The following HKDC1 variants were observed in gnomAD, a reference collection of about 807,000 sequenced individuals.
HKDC1 encodes the protein hexokinase HKDC1.
In HKDC1, 66 loss-of-function variants were observed where a neutral mutation model predicts 96.6. That is an observed-to-expected ratio of 0.68 (90% CI 0.56 to 0.84). The LOEUF (loss-of-function observed/expected upper bound fraction) is 0.84, where lower values mean the gene tolerates loss of function less well. Ranked by LOEUF, HKDC1 falls within the 40% of genes least tolerant of loss-of-function variation. The probability of loss-of-function intolerance (pLI) is 0.00; values close to 1 mark genes in which losing one functional copy is unlikely to be tolerated. For synonymous variants in HKDC1, 466 were observed against 473.1 expected (o/e 0.98, Z 0.20); for missense variants, 1,211 against 1,208.1 (o/e 1.00, Z -0.04).
chr10:69,252,507 G>A (rs192653614), intron 12 of HKDC1, among the ~76,000 whole-genome samples: 72 of 152,188 alleles, frequency 4.7e-4, no homozygotes, highest in African/African-American at 1.5e-3. Context: ...TTAGCCCGGC[G>A]TGGTGGCAGG....
At chr10:69,263,417 G>A (rs1488816536) in intron 16 of HKDC1, among the ~76,000 whole-genome samples, 1 of 151,428 alleles carries the variant, frequency 6.6e-6, no homozygotes, top group Admixed American at 6.6e-5. Flanking sequence ...TTTTTTAAAA[G>A]CTTCATGGAA....
At chr10:69,258,751 A>G (rs1008114908) in intron 14 of HKDC1, 25 bp from the exon 15 acceptor site, 3 of 1,612,586 alleles carry the variant, frequency 1.9e-6, no homozygotes, top group Non-Finnish European at 2.5e-6. Context: ...TTTGAAGACT[A>G]AGGTTCCTTC....
chr10:69,228,948 G>A (rs1589402811), intron 2 of HKDC1, among the ~76,000 whole-genome samples: 1 of 151,722 alleles, frequency 6.6e-6, no homozygotes, highest in East Asian at 1.9e-4. Flanking sequence ...GAAAGAGAAA[G>A]AAAGAAAGAG....
rs553070057 is a variant in HKDC1 at position 69,261,252 on chromosome 10, C to T, written c.2330C>T (p.Thr777Ile). The change falls in exon 16 of 18, where the codon ACC becomes ATC. Residue 777 changes from threonine (T) to isoleucine (I), a missense_variant. Thr to Ile is a moderately conservative substitution (Grantham distance 89). Coordinates refer to ENST00000354624, the MANE Select transcript of HKDC1 (RefSeq NM_025130.4). ...GGGCAGATTTCAGAGCGTCTCCGGA[C>T]CAGGGGCATCTTCGAAACCAAGTTC... ...FRGQISERLRTRGIFETKFLS... is the reference protein window; with the variant it reads ...FRGQISERLRIRGIFETKFLS... 1.5e-4 allele frequency: 250 copies of T among 1,614,154 alleles called. 2 individuals are homozygous for T. The South Asian group carries it at 2.5e-3, about 16-fold the overall frequency.
intron 15 of HKDC1, among the ~76,000 whole-genome samples, chr10:69,260,892 G>T (rs1414143602): frequency 6.6e-6 from 1 of 152,156 alleles, no homozygotes; most frequent in Non-Finnish European, 1.5e-5. Flanking sequence ...CCAAGACCAG[G>T]GACTAAATTT....
Position 69,233,089 on chromosome 10 carries a change from G to A in HKDC1, c.451G>A (p.Gly151Ser). 1 of 1,614,158 alleles carries A rather than the reference G, an allele frequency of 6.2e-7. No homozygotes were observed. The highest frequency in any genetic ancestry group is 2.2e-5 in the East Asian group (1 of 44,888). The change falls in exon 4 of 18, where the codon GGC becomes AGC. Residue 151 changes from glycine (G) to serine (S), a missense_variant. By Grantham distance (56) the Gly-to-Ser change is moderately conservative. Transcript: ENST00000354624. The stretch of plus-strand genomic sequence containing the variant: ...TTTAAAGCATAAGAAATTGCCCCTT[G>A]GCCTAACTTTTTCTTTCCCCTGTCG... Reference protein sequence around the residue: ...KDLKHKKLPLGLTFSFPCRQT... With the variant: ...KDLKHKKLPLSLTFSFPCRQT...
chr10:69,221,796 G>C (rs1202035381), intron 1 of HKDC1, among the ~76,000 whole-genome samples: 1 of 152,098 alleles, frequency 6.6e-6, no homozygotes, highest in Admixed American at 6.5e-5. Context: ...AGCCGGTCAT[G>C]GTGGTGTGTG....
chr10:69,243,078 C>A, intron 6 of HKDC1, 104 bp from the exon 7 acceptor site: 2 of 1,165,762 alleles, frequency 1.7e-6, no homozygotes, highest in Non-Finnish European at 2.5e-6. Context: ...GAATGAAAAG[C>A]ACTTTGTGGT....
chr10:69,233,694 C>T (rs1032041677), intron 4 of HKDC1, among the ~76,000 whole-genome samples: 8 of 151,472 alleles, frequency 5.3e-5, no homozygotes, highest in East Asian at 3.9e-4. Context: ...GTCAGGAGAT[C>T]GAGACCATCC....
intron 12 of HKDC1, 71 bp downstream of exon 12, chr10:69,250,723 A>G: frequency 6.4e-7 from 1 of 1,566,032 alleles, no homozygotes; most frequent in Non-Finnish European, 8.7e-7. Context: ...ATCTCCAGGT[A>G]ACTCCCAGCC....
intron 14 of HKDC1, among the ~76,000 whole-genome samples, chr10:69,258,261 G>A (rs1435368361): frequency 6.6e-6 from 1 of 152,128 alleles, no homozygotes; most frequent in Non-Finnish European, 1.5e-5. Context: ...AAGAGGTGAG[G>A]CCTGTTGATT....
intron 5 of HKDC1, among the ~76,000 whole-genome samples, 197 bp downstream of exon 5, chr10:69,239,334 G>A (rs530088421): frequency 3.9e-5 from 6 of 152,226 alleles, no homozygotes; most frequent in Non-Finnish European, 8.8e-5. Flanking sequence ...AGCCTTGGTA[G>A]GCGGGGCTTG....
rs1843163732 is a variant in HKDC1, at chr10:69,226,795, A to C, written c.64-412A>C. Among the ~76,000 whole-genome samples, 2 of 152,216 alleles carry C rather than the reference A, an allele frequency of 1.3e-5. 1 individual carries two copies. Among genetic ancestry groups the C allele is most frequent in the Admixed American group, 1.3e-4 (2 of 15,278 alleles). ...TCTGTGGTCATCATTGGATGAAAGA[A>C]AGCTTCCATGTTTAGAAATCTACGA... On this transcript the variant is annotated intron_variant, in intron 1 of 17. Transcript: ENST00000354624.
At chr10:69,257,155 T>A (rs769136106) in intron 13 of HKDC1, 24 bp downstream of exon 13, 1 of 1,591,420 alleles carries the variant, frequency 6.3e-7, no homozygotes, top group Non-Finnish European at 8.6e-7. Context: ...TTGAGGCTCA[T>A]GCCTGCTCTT....
chr10:69,239,715 T>G (rs2132348595), intron 5 of HKDC1, among the ~76,000 whole-genome samples: 1 of 151,952 alleles, frequency 6.6e-6, no homozygotes, highest in East Asian at 1.9e-4. Flanking sequence ...TCTTTAAAGC[T>G]GGGATCTTAT....
chr10:69,244,011 G>A (rs1053572140), intron 7 of HKDC1, among the ~76,000 whole-genome samples: 1 of 152,068 alleles, frequency 6.6e-6, no homozygotes, highest in African/African-American at 2.4e-5. Flanking sequence ...TGGGCAGTGA[G>A]GAGAAGGCAG....
chr10:69,227,211 A>G lies in HKDC1; in HGVS notation c.68A>G (p.Asp23Gly), dbSNP rs746989246. Reference sequence around the variant, plus strand: ...GGTGGCCGGTGTCTGTTCCAGGTGGACAGGTTCCTGTATCACATGCGGCTC... The same window carrying G: ...GGTGGCCGGTGTCTGTTCCAGGTGGGCAGGTTCCTGTATCACATGCGGCTC... ...KLKEDQIKKV[D>G]RFLYHMRLSD... is the part of the protein sequence containing the mutation. The change falls in exon 2 of 18, where the codon GAC becomes GGC. Residue 23 changes from aspartate to glycine, a missense_variant. Coordinates refer to ENST00000354624, the MANE Select transcript of HKDC1 (RefSeq NM_025130.4). 1 of 1,614,060 alleles carries G rather than the reference A, an allele frequency of 6.2e-7. No homozygotes were observed. Among genetic ancestry groups the G allele is most frequent in the Non-Finnish European group, 8.5e-7 (1 of 1,179,976 alleles).
intron 12 of HKDC1, among the ~76,000 whole-genome samples, chr10:69,252,973 C>CGTGT (rs57083436): frequency 0.036 from 5,027 of 140,204 alleles, 133 homozygotes; most frequent in African/African-American, 0.084. Flanking sequence ...CATCTCTAAA[C>CGTGT]GTGTGTGTGT....
At chr10:69,253,664 C>A (rs991880089) in intron 12 of HKDC1, among the ~76,000 whole-genome samples, 36 of 152,292 alleles carry the variant, frequency 2.4e-4, no homozygotes, top group Non-Finnish European at 4.0e-4. Flanking sequence ...GCACTCAAAT[C>A]CTAGTATCAT....
Sources: gnomAD v4.1 joint callset for allele counts (sites outside exome capture counted in the v4.1 genomes callset) on GRCh38, gnomAD v4.1.1 for gene constraint, MANE v1.5 for transcripts, NCBI Gene and HGNC (gene_info 2026-07-23, HGNC 2026-07-21) for gene names.